OPN3: variants seen among roughly 807,000 people sequenced by gnomAD.
The protein encoded by OPN3 is opsin-3.
OPN3 carries 29 observed loss-of-function variants against 33.8 expected under a neutral mutation model. The observed-to-expected ratio is 0.86, with a 90% CI of 0.64 to 1.17. The LOEUF (loss-of-function observed/expected upper bound fraction) is 1.17. Among genes scored for constraint, OPN3 ranks in the 50% most tolerant of loss-of-function variants. The pLI is 0.00. For synonymous variants in OPN3, 216 were observed against 216.1 expected (o/e 1.00, Z 0.00); for missense variants, 437 against 514.1 (o/e 0.85, Z 1.45).
chr1:241,593,359 A>G lies in OPN3; in HGVS notation c.*1069T>C, dbSNP rs529255504. 551 of 438,808 alleles carry G rather than the reference A, an allele frequency of 1.3e-3. 3 individuals carry two copies. Among genetic ancestry groups the G allele is most frequent in the South Asian group, 6.8e-3 (406 of 60,148 alleles). The allele number at this position is 438,808 out of a possible 1,614,324, so 27.2% of individuals were successfully genotyped here. A position where few individuals can be genotyped will look rare whatever the true frequency, so the allele number is the denominator to read the frequency against. On this transcript the variant is annotated 3_prime_UTR_variant, in exon 4 of 4. Transcript: ENST00000366554. ...TGTTTTCTTTGGTTCATCCTTCTTTAACAGGCTGCTGAGTCACTCAGAAAT... is the reference window on the plus strand; with the variant it reads ...TGTTTTCTTTGGTTCATCCTTCTTTGACAGGCTGCTGAGTCACTCAGAAAT...
rs1663443382 is a variant in OPN3 at position 241,594,666 on chromosome 1, A to G, written c.971T>C (p.Leu324Pro). The G allele has an allele frequency of 6.2e-7, 1 of 1,613,852 alleles. No individual in the cohort carries two copies. Among genetic ancestry groups the G allele is most frequent in the Non-Finnish European group, 8.5e-7 (1 of 1,179,934 alleles). ...CTGGCACCTCAGCAGTCGGAGGCAC[A>G]GAAGCTGCAAAAGGGATCTTCGAAA... is the stretch of plus-strand genomic sequence containing the variant. ...RKFRRSLLQLLCLRLLRCQRP... is the reference protein window; with the variant it reads ...RKFRRSLLQLPCLRLLRCQRP... Residue 324 changes from leucine to proline, a missense_variant, in exon 4 of 4, where the codon CTG (leucine) becomes CCG (proline). Leu to Pro is a moderately conservative substitution (Grantham distance 98, BLOSUM62 -3). Coordinates refer to ENST00000366554, the MANE Select transcript of OPN3 (RefSeq NM_014322.3).
At chr1:241,607,580 G>C (rs1663868740) in intron 1 of OPN3, among the ~76,000 whole-genome samples, 1 of 137,154 alleles carries the variant, frequency 7.3e-6, no homozygotes, top group African/African-American at 2.8e-5. Context: ...AGAAAGAAAA[G>C]AAAGAAAGAA....
chr1:241,607,648 AAAGAAG>A (rs1407123782), intron 1 of OPN3, among the ~76,000 whole-genome samples: 2 of 150,852 alleles, frequency 1.3e-5, no homozygotes, highest in African/African-American at 4.9e-5. Context: ...AAGAAAGAAG[AAAGAAG>A]AAAGAAAGAA....
intron 1 of OPN3, chr1:241,634,391 A>G (rs1558447480): frequency 6.2e-7 from 1 of 1,613,820 alleles, no homozygotes; most frequent in African/African-American, 1.3e-5. Flanking sequence ...ATCTGTAATG[A>G]GTACTGCCCT....
rs141916701 is a variant in OPN3, at chr1:241,601,462, T to C, written c.693+2798A>G. On this transcript the variant is annotated intron_variant, in intron 2 of 3. Transcript: ENST00000366554. ...GCTCACACCTGTAATCCTAGCACTTTGGGAGGCCAAGGCGGGCAGATCATG... is the reference window on the plus strand; with the variant it reads ...GCTCACACCTGTAATCCTAGCACTTCGGGAGGCCAAGGCGGGCAGATCATG... Among the ~76,000 whole-genome samples, 1,472 of 152,194 alleles carry C rather than the reference T, an allele frequency of 9.7e-3. 26 individuals carry two copies. The highest frequency in any genetic ancestry group is 0.034 in the African/African-American group (1,413 of 41,534).
At chr1:241,626,006 C>T (rs981865040) in intron 1 of OPN3, among the ~76,000 whole-genome samples, 1 of 152,212 alleles carries the variant, frequency 6.6e-6, no homozygotes, top group African/African-American at 2.4e-5. Flanking sequence ...GTTTAAAAAT[C>T]ACTGCCTTAA....
intron 1 of OPN3, among the ~76,000 whole-genome samples, chr1:241,615,223 AAC>A (rs1241671664): frequency 6.6e-5 from 10 of 151,864 alleles, no homozygotes; most frequent in African/African-American, 2.4e-4. Context: ...AAAAAAAAAA[AAC>A]AGTTGGATGA....
At chr1:241,602,037 C>T (rs865806664) in intron 2 of OPN3, among the ~76,000 whole-genome samples, 1 of 152,104 alleles carries the variant, frequency 6.6e-6, no homozygotes, top group African/African-American at 2.4e-5. Flanking sequence ...GGAAGAAAGA[C>T]CTGAACTGGA....
At chr1:241,615,299 A>G (rs573560094) in intron 1 of OPN3, among the ~76,000 whole-genome samples, 6 of 152,240 alleles carry the variant, frequency 3.9e-5, no homozygotes, top group Admixed American at 2.0e-4. Flanking sequence ...TCATAGAATA[A>G]AAGTGTGAAG....
intron 1 of OPN3, among the ~76,000 whole-genome samples, chr1:241,608,439 G>A (rs1277313510): frequency 6.6e-6 from 1 of 152,148 alleles, no homozygotes; most frequent in Non-Finnish European, 1.5e-5. Flanking sequence ...AAGGTCCAGT[G>A]GGTAAGAGAG....
intron 1 of OPN3, among the ~76,000 whole-genome samples, chr1:241,638,483 C>A (rs1202330977): frequency 1.3e-5 from 2 of 152,236 alleles, no homozygotes; most frequent in African/African-American, 2.4e-5. Flanking sequence ...CACCTGTTGA[C>A]TACCCTGGAG....
chr1:241,625,169 C>T (rs1193570110), intron 1 of OPN3, among the ~76,000 whole-genome samples: 1 of 152,188 alleles, frequency 6.6e-6, no homozygotes, highest in African/African-American at 2.4e-5. Flanking sequence ...TGACTCATTC[C>T]ATTGCAATTA....
chr1:241,617,967 G>C (rs1261120200), intron 1 of OPN3, among the ~76,000 whole-genome samples: 1 of 151,794 alleles, frequency 6.6e-6, no homozygotes, highest in African/African-American at 2.4e-5. Flanking sequence ...GGAAGTCTTA[G>C]TCATCCTGAT....
chr1:241,634,430 C>T (rs1664787910), intron 1 of OPN3: 1 of 1,613,694 alleles, frequency 6.2e-7, no homozygotes, highest in South Asian at 1.1e-5. Flanking sequence ...CACATTTGAG[C>T]ATGTTTCCTC....
intron 1 of OPN3, among the ~76,000 whole-genome samples, chr1:241,627,092 T>C (rs3765817): frequency 0.085 from 12,931 of 152,182 alleles, 661 homozygotes; most frequent in African/African-American, 0.14. Context: ...CCAAGAATCA[T>C]AGGACATCAG....
At chr1:241,638,342 G>C (rs1475248580) in intron 1 of OPN3, among the ~76,000 whole-genome samples, 1 of 152,064 alleles carries the variant, frequency 6.6e-6, no homozygotes. Flanking sequence ...TGAGGAAGAG[G>C]GTGGATGACA....
intron 1 of OPN3, among the ~76,000 whole-genome samples, chr1:241,618,593 G>A (rs1368794723): frequency 1.3e-5 from 2 of 152,156 alleles, no homozygotes; most frequent in Admixed American, 6.5e-5. Context: ...GAGGTGCAGC[G>A]CAGAGGGGTG....
chr1:241,626,931 G>C (rs772413059), intron 1 of OPN3, among the ~76,000 whole-genome samples: 17 of 152,278 alleles, frequency 1.1e-4, no homozygotes, highest in Admixed American at 4.6e-4. Context: ...ATCTCATTCT[G>C]ACTGAATTAT....
chr1:241,635,223 A>C, intron 1 of OPN3: 1 of 1,613,556 alleles, frequency 6.2e-7, no homozygotes, highest in African/African-American at 1.3e-5. Context: ...TTATCTCCAC[A>C]ATACTTTTCC....
Sources: gnomAD v4.1 joint callset for allele counts (sites outside exome capture counted in the v4.1 genomes callset) on GRCh38, gnomAD v4.1.1 for gene constraint, MANE v1.5 for transcripts, NCBI Gene and HGNC (gene_info 2026-07-23, HGNC 2026-07-21) for gene names.